The following TNKS variants were observed in gnomAD, a reference collection of about 807,000 sequenced individuals.
The protein encoded by TNKS is tankyrase.
In TNKS, 72 loss-of-function variants were observed where a neutral mutation model predicts 135.8. That is an observed-to-expected ratio of 0.53 (90% CI 0.44 to 0.64). The LOEUF is 0.64. Among genes scored for constraint, TNKS ranks in the 30% least tolerant of loss-of-function variants. The pLI, the probability that TNKS is intolerant of heterozygous loss-of-function variation, is 0.00. For synonymous variants in TNKS, 849 were observed against 649.3 expected (o/e 1.31, Z -4.68); for missense variants, 1,769 against 1,674.0 (o/e 1.06, Z -0.99).
chr8:9,619,745 A>C (rs1391518114), intron 3 of TNKS, among the ~76,000 whole-genome samples: 1 of 150,684 alleles, frequency 6.6e-6, no homozygotes, highest in Non-Finnish European at 1.5e-5. Flanking sequence ...GTTCTTGCTG[A>C]GACTGGCTTA....
intron 2 of TNKS, among the ~76,000 whole-genome samples, chr8:9,595,623 CTT>C (rs1314417778): frequency 6.6e-6 from 1 of 151,902 alleles, no homozygotes; most frequent in African/African-American, 2.4e-5. Context: ...CGTATGGAAG[CTT>C]TCACTCTTCC....
At position 9,733,411 on chromosome 8, in the gene TNKS, A is replaced by G; in HGVS notation, c.2280A>G (p.Lys760=). Residue 760 remains lysine, a synonymous_variant, in exon 15 of 27, where the codon AAA becomes AAG. Transcript: ENST00000310430. The part of the protein sequence containing the change: ...KFTPLHEAAA[K]GKYEICKLLL... Reference sequence around the variant, plus strand: ...CCCCTCTCCATGAAGCAGCAGCTAAAGGAAAGTATGAAATCTGCAAGCTCC... The same window carrying G: ...CCCCTCTCCATGAAGCAGCAGCTAAGGGAAAGTATGAAATCTGCAAGCTCC... 1 of 1,613,728 alleles carries G rather than the reference A, an allele frequency of 6.2e-7. No individual in the cohort carries two copies. The highest frequency in any genetic ancestry group is 8.5e-7 in the Non-Finnish European group (1 of 1,179,804).
At chr8:9,729,946 T>A (rs1272245229) in intron 13 of TNKS, among the ~76,000 whole-genome samples, 1 of 151,890 alleles carries the variant, frequency 6.6e-6, no homozygotes, top group Non-Finnish European at 1.5e-5. Context: ...CCAGCTAATT[T>A]TTGTATTTTT....
At chr8:9,722,249 C>G (rs1255425240) in intron 12 of TNKS, 1 of 152,000 alleles carries the variant, frequency 6.6e-6, no homozygotes, top group Non-Finnish European at 1.5e-5. Flanking sequence ...AGAATCACTG[C>G]TATATGATGC....
At chr8:9,603,723 T>C (rs1030331623) in intron 2 of TNKS, among the ~76,000 whole-genome samples, 2 of 152,206 alleles carry the variant, frequency 1.3e-5, no homozygotes, top group African/African-American at 4.8e-5. Context: ...CCTGGTTTAT[T>C]AAGTGAATGT....
chr8:9,721,078 G>T (rs1804855530), intron 12 of TNKS, among the ~76,000 whole-genome samples: 1 of 151,724 alleles, frequency 6.6e-6, no homozygotes, highest in Non-Finnish European at 1.5e-5. Flanking sequence ...ACAGGAGATC[G>T]AGACCATCTT....
intron 2 of TNKS, among the ~76,000 whole-genome samples, chr8:9,591,512 G>A (rs1046398003): frequency 3.3e-5 from 5 of 152,218 alleles, no homozygotes; most frequent in African/African-American, 1.2e-4. Flanking sequence ...TGCCCTAATG[G>A]CTGAGCATGT....
At chr8:9,632,073 C>G (rs1426945094) in intron 3 of TNKS, among the ~76,000 whole-genome samples, 1 of 152,126 alleles carries the variant, frequency 6.6e-6, no homozygotes. Context: ...ATATTAAAAG[C>G]TGAAACTTAT....
chr8:9,582,595 G>T (rs1296339089), intron 2 of TNKS, among the ~76,000 whole-genome samples: 2 of 152,198 alleles, frequency 1.3e-5, no homozygotes, highest in Non-Finnish European at 2.9e-5. Context: ...GACCCCACCA[G>T]TTTCCAGCTG....
At chr8:9,740,432 G>A (rs1033115099) in intron 17 of TNKS, among the ~76,000 whole-genome samples, 2 of 152,058 alleles carry the variant, frequency 1.3e-5, no homozygotes, top group Non-Finnish European at 2.9e-5. Context: ...TCCTCCTACC[G>A]CCTTCTCCCT....
In TNKS at chr8:9,752,626, G is replaced by A. The variant is rs1426987097; in HGVS notation, c.3153G>A (p.Gln1051=). The A allele has an allele frequency of 6.3e-7, 1 of 1,596,440 alleles. No individual in the cohort carries two copies. ...EHLRDIFETE[Q]ITLDVLADMG... ...TTCGGGATATCTTTGAAACAGAACAGGTAAATACTCTTGTATATATTTGAG... is the reference window on the plus strand; with the variant it reads ...TTCGGGATATCTTTGAAACAGAACAAGTAAATACTCTTGTATATATTTGAG... Residue 1051 remains glutamine (Q), a splice_region_variant and synonymous_variant, in exon 20 of 27, where the codon CAG becomes CAA. Transcript: ENST00000310430.
At chr8:9,759,975 C>A in intron 20 of TNKS, among the ~76,000 whole-genome samples, 1 of 148,128 alleles carries the variant, frequency 6.8e-6, no homozygotes, top group African/African-American at 2.5e-5. Context: ...GAGACTCTGT[C>A]TCAAAAGAAA....
chr8:9,639,293 A>G (rs1317904252), intron 3 of TNKS, among the ~76,000 whole-genome samples: 2 of 152,162 alleles, frequency 1.3e-5, no homozygotes, highest in Admixed American at 6.5e-5. Flanking sequence ...CTTTGAAGGA[A>G]TGCACATTTA....
At position 9,752,547 on chromosome 8, in the gene TNKS, C is replaced by A; in HGVS notation, c.3074C>A (p.Ala1025Asp). 1 of 1,609,416 alleles carries A rather than the reference C, an allele frequency of 6.2e-7. No homozygotes were observed. Among genetic ancestry groups the A allele is most frequent in the South Asian group, 1.1e-5 (1 of 90,556 alleles). ...AGTERKEGEVAGLDMNISQFL... is the reference protein window; with the variant it reads ...AGTERKEGEVDGLDMNISQFL... The stretch of plus-strand genomic sequence containing the variant: ...CTTTAATATGTTTCTGTTTTAGTTG[C>A]TGGTCTTGACATGAATATCAGCCAA... The change falls in exon 20 of 27, where the codon GCT becomes GAT. Residue 1025 changes from alanine (A) to aspartate (D), a missense_variant. Physicochemically the swap from Ala to Asp is moderately radical, Grantham distance 126. Coordinates refer to ENST00000310430, the MANE Select transcript of TNKS (RefSeq NM_003747.3).
chr8:9,761,383 C>A, intron 20 of TNKS, 133 bp from the exon 21 acceptor site: 3 of 852,322 alleles, frequency 3.5e-6, no homozygotes, highest in Non-Finnish European at 5.2e-6. Context: ...AAATTGTAAG[C>A]TCATGTTTAT....
At chr8:9,675,433 C>A (rs576434900) in intron 3 of TNKS, among the ~76,000 whole-genome samples, 32 of 152,280 alleles carry the variant, frequency 2.1e-4, no homozygotes, top group African/African-American at 7.7e-4. Context: ...TTACATACTT[C>A]TTCCCTTGAG....
chr8:9,761,731 A>G (rs1807159352), intron 21 of TNKS, 95 bp downstream of exon 21: 1 of 1,292,202 alleles, frequency 7.7e-7, no homozygotes, highest in African/African-American at 1.5e-5. Context: ...CAGTCCCAGA[A>G]CCATACACTG....
At chr8:9,762,757 T>C (rs905233640) in intron 21 of TNKS, among the ~76,000 whole-genome samples, 3 of 151,772 alleles carry the variant, frequency 2.0e-5, no homozygotes, top group African/African-American at 7.3e-5. Context: ...TACAGAAAAT[T>C]AGCTGGGTGT....
chr8:9,767,794 C>T (rs1475621699), intron 25 of TNKS, among the ~76,000 whole-genome samples: 2 of 151,886 alleles, frequency 1.3e-5, no homozygotes, highest in Non-Finnish European at 1.5e-5. Flanking sequence ...CCCGTCTCTA[C>T]TAAAAATACA....
Sources: gnomAD v4.1 joint callset for allele counts (sites outside exome capture counted in the v4.1 genomes callset) on GRCh38, gnomAD v4.1.1 for gene constraint, MANE v1.5 for transcripts, NCBI Gene and HGNC (gene_info 2026-07-23, HGNC 2026-07-21) for gene names.